ELMOD1: variants seen among roughly 807,000 people sequenced by gnomAD.
ELMOD1 encodes ELMO domain-containing protein 1.
A neutral mutation model predicts 46.7 loss-of-function variants in ELMOD1; 21 were observed. The observed-to-expected ratio is 0.45, with a 90% CI of 0.32 to 0.65. The LOEUF (loss-of-function observed/expected upper bound fraction) is 0.65, where lower values mean the gene tolerates loss of function less well. ELMOD1 is among the 30% of genes least tolerant of loss of function. ELMOD1 has a pLI of 0.04. For missense variants in ELMOD1, 348 were observed against 407.8 expected (o/e 0.85, Z 1.26); for synonymous variants, 122 against 138.2 (o/e 0.88, Z 0.82).
chr11:107,655,037 C>T (rs114156640), intron 10 of ELMOD1, among the ~76,000 whole-genome samples: 3,928 of 152,054 alleles, frequency 0.026, 56 homozygotes, highest in South Asian at 0.065. Flanking sequence ...ACATTTTTCT[C>T]ATCATAAAAG....
Position 107,625,532 on chromosome 11 carries a change from G to GA in ELMOD1, c.18-4885_18-4884insA. On this transcript the variant is annotated intron_variant, in intron 2 of 11. Coordinates refer to ENST00000265840, the MANE Select transcript of ELMOD1 (RefSeq NM_018712.4). Reference sequence around the variant, plus strand: ...GATGATGGCATAGTGTTGCATTACAGGTACCCACACCCCCTCACCCCACAG... The same window carrying GA: ...GATGATGGCATAGTGTTGCATTACAGAGTACCCACACCCCCTCACCCCACAG... The GA allele has an allele frequency of 2.0e-6, 2 of 985,370 alleles. 1 individual carries two copies. The highest frequency in any genetic ancestry group is 9.4e-5 in the South Asian group (2 of 21,284). The allele number at this position is 985,370 out of a possible 1,614,324, so 61.0% of individuals were successfully genotyped here.
chr11:107,592,246 A>G, intron 1 of ELMOD1: 4 of 298,208 alleles, frequency 1.3e-5, no homozygotes, highest in South Asian at 7.5e-5. Flanking sequence ...AAGTTTAATG[A>G]ATATGTTGTC....
chr11:107,614,435 T>C (rs1591109013), intron 1 of ELMOD1, among the ~76,000 whole-genome samples: 3 of 152,148 alleles, frequency 2.0e-5, no homozygotes, highest in African/African-American at 7.2e-5. Context: ...ACCTCCCGGG[T>C]TCAAGCAATT....
At chr11:107,595,830 T>C (rs1017334560) in intron 1 of ELMOD1, among the ~76,000 whole-genome samples, 1 of 152,146 alleles carries the variant, frequency 6.6e-6, no homozygotes, top group Non-Finnish European at 1.5e-5. Flanking sequence ...ATCTATAAAA[T>C]AAACTCTTAA....
Position 107,630,683 on chromosome 11 carries a change from TG to T in ELMOD1, c.164-16del. On this transcript the variant is annotated splice_polypyrimidine_tract_variant and intron_variant, in intron 3 of 11. Coordinates refer to ENST00000265840, the MANE Select transcript of ELMOD1 (RefSeq NM_018712.4). The stretch of plus-strand genomic sequence containing the variant: ...AGGATAATCTTTGAATGACTGTTTT[TG>T]TTGCTGCTTTCACAGAAACATCACT... 1 of 1,608,196 alleles carries T rather than the reference TG, an allele frequency of 6.2e-7. No individual in the cohort carries two copies. The highest frequency in any genetic ancestry group is 8.5e-7 in the Non-Finnish European group (1 of 1,177,110).
At chr11:107,621,387 G>T (rs1378866373) in intron 2 of ELMOD1, among the ~76,000 whole-genome samples, 2 of 152,186 alleles carry the variant, frequency 1.3e-5, no homozygotes, top group Admixed American at 1.3e-4. Context: ...AGTATGATTA[G>T]GTAAATAAGG....
chr11:107,630,412 C>A lies in ELMOD1; in HGVS notation c.18-5C>A, dbSNP rs1591120130. ...TGGAAGGGTGCTGTGTTTTGTTTTTCACAGAATGTTGATCCAGGTATGCCT... is the reference window on the plus strand; with the variant it reads ...TGGAAGGGTGCTGTGTTTTGTTTTTAACAGAATGTTGATCCAGGTATGCCT... On this transcript the variant is annotated splice_polypyrimidine_tract_variant and splice_region_variant and intron_variant, in intron 2 of 11. Coordinates refer to ENST00000265840, the MANE Select transcript of ELMOD1 (RefSeq NM_018712.4). The A allele has an allele frequency of 6.3e-7, 1 of 1,591,208 alleles. No individual in the cohort carries two copies. Among genetic ancestry groups the A allele is most frequent in the Non-Finnish European group, 8.6e-7 (1 of 1,167,920 alleles).
intron 11 of ELMOD1, among the ~76,000 whole-genome samples, chr11:107,662,944 GCC>G (rs1473301889): frequency 2.0e-5 from 3 of 151,900 alleles, no homozygotes; most frequent in Non-Finnish European, 2.9e-5. Context: ...GCCCAGGCTG[GCC>G]TCAAACCCCT....
At chr11:107,657,199 T>C (rs996947705) in intron 11 of ELMOD1, among the ~76,000 whole-genome samples, 1 of 152,164 alleles carries the variant, frequency 6.6e-6, no homozygotes, top group Non-Finnish European at 1.5e-5. Flanking sequence ...AAGATGACAT[T>C]GGACTTCTCA....
chr11:107,663,561 C>G (rs2135721459), intron 11 of ELMOD1, among the ~76,000 whole-genome samples: 1 of 151,860 alleles, frequency 6.6e-6, no homozygotes, highest in African/African-American at 2.4e-5. Context: ...AGAGAGACCA[C>G]ATACTTAAAC....
At chr11:107,663,742 C>A (rs1487882135) in intron 11 of ELMOD1, among the ~76,000 whole-genome samples, 1 of 152,054 alleles carries the variant, frequency 6.6e-6, no homozygotes, top group Non-Finnish European at 1.5e-5. Flanking sequence ...TTATGTTGAG[C>A]ATTTTTCCAT....
intron 1 of ELMOD1, among the ~76,000 whole-genome samples, chr11:107,600,129 C>T (rs1865572208): frequency 1.3e-5 from 2 of 151,900 alleles, no homozygotes; most frequent in African/African-American, 4.8e-5. Flanking sequence ...AAATCATGAC[C>T]AATGCTGTTT....
At chr11:107,653,393 C>T (rs1257606571) in intron 9 of ELMOD1, 1 of 151,940 alleles carries the variant, frequency 6.6e-6, no homozygotes, top group African/African-American at 2.4e-5. Flanking sequence ...TGATAGAAAT[C>T]TTTTTTCAAA....
At chr11:107,624,860 C>T (rs1453974246) in intron 2 of ELMOD1, among the ~76,000 whole-genome samples, 1 of 152,096 alleles carries the variant, frequency 6.6e-6, no homozygotes, top group Non-Finnish European at 1.5e-5. Context: ...TTTGCTACAG[C>T]AGTATAATTT....
At position 107,656,042 on chromosome 11, in the gene ELMOD1, T is replaced by C. The variant is rs756501098; in HGVS notation, c.808T>C (p.Leu270=). Residue 270 remains leucine (L), a synonymous_variant, in exon 11 of 12, where the codon TTG becomes CTG. Transcript: ENST00000265840. The part of the protein sequence containing the change: ...FYNIAPEAPT[L]SHFQQTFCYL... The stretch of plus-strand genomic sequence containing the variant: ...CAATATCGCCCCAGAAGCTCCAACA[T>C]TGTCTCACTTTCAGCAAACATTCTG... The C allele has an allele frequency of 8.4e-6, 13 of 1,556,262 alleles. No individual in the cohort carries two copies. Among genetic ancestry groups the C allele is most frequent in the East Asian group, 4.8e-5 (2 of 41,918 alleles).
intron 2 of ELMOD1, among the ~76,000 whole-genome samples, chr11:107,621,837 G>A (rs761054896): frequency 6.6e-6 from 1 of 152,158 alleles, no homozygotes; most frequent in Non-Finnish European, 1.5e-5. Context: ...GACCAGCCTG[G>A]CCAACAAGGT....
chr11:107,594,782 A>AT (rs1333960071), intron 1 of ELMOD1, among the ~76,000 whole-genome samples: 21 of 152,350 alleles, frequency 1.4e-4, no homozygotes, highest in African/African-American at 5.1e-4. Flanking sequence ...AAGAAATTAA[A>AT]TTGAGATCAT....
chr11:107,632,772 A>G (rs1011996717), intron 5 of ELMOD1, among the ~76,000 whole-genome samples: 14 of 152,226 alleles, frequency 9.2e-5, no homozygotes, highest in African/African-American at 2.9e-4. Flanking sequence ...TCCTGTAATC[A>G]TGTTTAGAGA....
chr11:107,630,815 A>T, intron 4 of ELMOD1, 87 bp downstream of exon 4: 1 of 1,329,038 alleles, frequency 7.5e-7, no homozygotes, highest in East Asian at 2.5e-5. Flanking sequence ...AAACCAAAAT[A>T]TACCACTGGC....
Sources: gnomAD v4.1 joint callset for allele counts (sites outside exome capture counted in the v4.1 genomes callset) on GRCh38, gnomAD v4.1.1 for gene constraint, MANE v1.5 for transcripts, NCBI Gene and HGNC (gene_info 2026-07-23, HGNC 2026-07-21) for gene names.